Variants in TNRC6B observed in about 807,000 individuals in gnomAD.
The protein encoded by TNRC6B is trinucleotide repeat-containing gene 6B protein.
A neutral mutation model predicts 203.6 loss-of-function variants in TNRC6B; 52 were observed. The observed-to-expected ratio is 0.26, with a 90% confidence interval of 0.20 to 0.32. The LOEUF (loss-of-function observed/expected upper bound fraction) is 0.32. Among genes scored for constraint, TNRC6B ranks in the 10% least tolerant of loss-of-function variants. The pLI is 1.00. For missense variants in TNRC6B, 1,923 were observed against 2,286.2 expected (o/e 0.84, Z 3.24); for synonymous variants, 838 against 845.7 (o/e 0.99, Z 0.16).
At chr22:40,319,089 T>C (rs1417549766) in intron 21 of TNRC6B, among the ~76,000 whole-genome samples, 3 of 151,994 alleles carry the variant, frequency 2.0e-5, no homozygotes, top group Non-Finnish European at 4.4e-5. Flanking sequence ...AAATGTTAAT[T>C]ATACACATAC....
At chr22:40,222,120 C>T (rs190887763) in intron 1 of TNRC6B, among the ~76,000 whole-genome samples, 1 of 152,202 alleles carries the variant, frequency 6.6e-6, no homozygotes, top group Admixed American at 6.5e-5. Context: ...GTCTTCACGC[C>T]GTCTCGTAGT....
intron 4 of TNRC6B, among the ~76,000 whole-genome samples, chr22:40,164,779 G>GTT (rs36044175): frequency 8.8e-6 from 1 of 113,940 alleles, no homozygotes; most frequent in Non-Finnish European, 1.7e-5. Context: ...AAAAAAAAAA[G>GTT]TTTTTTTTTT....
At chr22:40,312,392 C>G in intron 17 of TNRC6B, 113 bp from the exon 18 acceptor site, 1 of 1,075,432 alleles carries the variant, frequency 9.3e-7, no homozygotes, top group Non-Finnish European at 1.3e-6. Context: ...ATCTAAGAGA[C>G]AATAAATTCA....
chr22:40,167,974 G>T (rs2068935810), intron 4 of TNRC6B, among the ~76,000 whole-genome samples: 1 of 152,130 alleles, frequency 6.6e-6, no homozygotes, highest in Non-Finnish European at 1.5e-5. Flanking sequence ...GGGCCTGCAG[G>T]TTTAAATTAG....
At chr22:40,214,663 T>C (rs2069610983) in intron 1 of TNRC6B, among the ~76,000 whole-genome samples, 1 of 152,066 alleles carries the variant, frequency 6.6e-6, no homozygotes, top group Admixed American at 6.6e-5. Context: ...GATGATTTTC[T>C]GGTCTCAACC....
intron 1 of TNRC6B, among the ~76,000 whole-genome samples, chr22:40,223,379 T>A (rs1469472283): frequency 2.0e-5 from 3 of 151,664 alleles, no homozygotes; most frequent in Non-Finnish European, 4.4e-5. Context: ...GACCTCGTGA[T>A]CCGCCTGCCT....
In TNRC6B at chr22:40,324,855, TTAAA is replaced by T. The variant is rs2071383342; in HGVS notation, c.*1617_*1620del. 6.6e-6 allele frequency: 1 copy of T among 152,650 alleles called. No individual in the cohort carries two copies. The highest frequency in any genetic ancestry group is 6.5e-5 in the Admixed American group (1 of 15,282). The allele number at this position is 152,650 out of a possible 1,614,324, so 9.5% of individuals were successfully genotyped here. ...AATTTTGCTTTTTTAATTTCGGTATTTAAATACTTTTTTTTTTTTTTAAGCATCA... is the reference window on the plus strand; with the variant it reads ...AATTTTGCTTTTTTAATTTCGGTATTTACTTTTTTTTTTTTTTAAGCATCA... On this transcript the variant is annotated 3_prime_UTR_variant, in exon 23 of 23. Coordinates refer to ENST00000454349, the MANE Select transcript of TNRC6B (RefSeq NM_001162501.2).
intron 15 of TNRC6B, among the ~76,000 whole-genome samples, chr22:40,304,398 T>G (rs115939435): frequency 6.6e-6 from 1 of 151,894 alleles, no homozygotes; most frequent in African/African-American, 2.4e-5. Context: ...AGGTGAAGAG[T>G]GAGAGGGAGA....
At chr22:40,140,766 A>G (rs1453210046) in intron 3 of TNRC6B, among the ~76,000 whole-genome samples, 1 of 151,852 alleles carries the variant, frequency 6.6e-6, no homozygotes, top group African/African-American at 2.4e-5. Context: ...TCAAACTCCC[A>G]AGAAGCTGGG....
chr22:40,070,179 C>G (rs2067935274), intron 1 of TNRC6B, among the ~76,000 whole-genome samples: 2 of 151,976 alleles, frequency 1.3e-5, no homozygotes, highest in Non-Finnish European at 2.9e-5. Flanking sequence ...TTCCGTGTGC[C>G]TTTGTCATTT....
chr22:40,108,973 C>T (rs560203690), intron 1 of TNRC6B, among the ~76,000 whole-genome samples: 1 of 150,934 alleles, frequency 6.6e-6, no homozygotes, highest in African/African-American at 2.4e-5. Context: ...GTGTTGCTCC[C>T]CTCCCTGTGT....
At chr22:40,156,192 A>T (rs769745104) in intron 4 of TNRC6B, 3 of 1,562,302 alleles carry the variant, frequency 1.9e-6, no homozygotes, top group African/African-American at 1.4e-5. Context: ...AGTGAGTCAC[A>T]GTTTATTTAA....
At chr22:40,159,248 C>T (rs1211267697) in intron 4 of TNRC6B, among the ~76,000 whole-genome samples, 2 of 147,360 alleles carry the variant, frequency 1.4e-5, no homozygotes, top group African/African-American at 5.0e-5. Context: ...CAGGCGTGAG[C>T]CACCGCACCT....
intron 21 of TNRC6B, among the ~76,000 whole-genome samples, chr22:40,320,483 A>C (rs1295342848): frequency 1.3e-5 from 2 of 152,210 alleles, no homozygotes; most frequent in Admixed American, 6.5e-5. Flanking sequence ...CTGTCTCAAA[A>C]CTAAATAAGT....
At chr22:40,214,817 G>C (rs1029793439) in intron 1 of TNRC6B, among the ~76,000 whole-genome samples, 1 of 152,152 alleles carries the variant, frequency 6.6e-6, no homozygotes, top group South Asian at 2.1e-4. Flanking sequence ...GCCTCCCAAA[G>C]TGCTGAGATT....
intron 1 of TNRC6B, among the ~76,000 whole-genome samples, chr22:40,047,376 T>G (rs2067699503): frequency 6.6e-6 from 1 of 151,588 alleles, no homozygotes. Flanking sequence ...CCGAGGCAGG[T>G]GGATCACTTG....
rs920059619 is a variant in TNRC6B, at chr22:40,329,689, C to T, written c.*6448C>T. ...AGCAGCTCAGCACCCACACTGCCCG[C>T]ATGCGTGTGGCCACCGGGACCAGAT... On this transcript the variant is annotated 3_prime_UTR_variant, in exon 23 of 23. Transcript: ENST00000454349. The T allele has an allele frequency of 1.5e-4, 23 of 152,148 alleles. No individual in the cohort carries two copies. The highest frequency in any genetic ancestry group is 3.9e-4 in the African/African-American group (16 of 41,412). The allele number at this position is 152,148 out of a possible 1,614,324, so 9.4% of individuals were successfully genotyped here.
intron 11 of TNRC6B, among the ~76,000 whole-genome samples, chr22:40,284,676 T>A (rs1267334535): frequency 6.6e-6 from 1 of 152,182 alleles, no homozygotes; most frequent in Non-Finnish European, 1.5e-5. Flanking sequence ...TTAAAGCGTT[T>A]TGAGATTGGA....
intron 4 of TNRC6B, among the ~76,000 whole-genome samples, chr22:40,157,992 G>A (rs1280072948): frequency 6.6e-6 from 1 of 152,064 alleles, no homozygotes; most frequent in Non-Finnish European, 1.5e-5. Context: ...CTATGCTCTT[G>A]AAAAATACTG....
Sources: gnomAD v4.1 joint callset for allele counts (sites outside exome capture counted in the v4.1 genomes callset) on GRCh38, gnomAD v4.1.1 for gene constraint, MANE v1.5 for transcripts, NCBI Gene and HGNC (gene_info 2026-07-23, HGNC 2026-07-21) for gene names.